Variants in SGCZ observed in about 807,000 individuals in gnomAD.
SGCZ encodes the protein sarcoglycan zeta, also known as zeta-sarcoglycan.
In SGCZ, 40 loss-of-function variants were observed where a neutral mutation model predicts 41.3. The ratio of observed to expected loss-of-function variants is 0.97; its 90% CI spans 0.75 to 1.26. SGCZ has a LOEUF of 1.26. SGCZ is among the 50% of genes most tolerant of loss of function. The pLI is 0.00. For missense variants in SGCZ, 552 were observed against 369.8 expected, an observed-to-expected ratio of 1.49 and a Z score of -4.04; for synonymous variants, 206 against 137.5, an observed-to-expected ratio of 1.50 and a Z score of -3.49.
chr8:14,832,456 G>T (rs1802564705), intron 1 of SGCZ, among the ~76,000 whole-genome samples: 1 of 152,072 alleles, frequency 6.6e-6, no homozygotes, highest in African/African-American at 2.4e-5. Flanking sequence ...ATGAGGGCAT[G>T]GAAAACTGTT....
At chr8:14,446,081 T>C (rs950720489) in intron 2 of SGCZ, among the ~76,000 whole-genome samples, 24 of 152,188 alleles carry the variant, frequency 1.6e-4, no homozygotes, top group Non-Finnish European at 8.8e-5. Context: ...CCTGAATCAG[T>C]TGTGCCATTT....
At chr8:15,175,906 C>G (rs1160053926) in intron 1 of SGCZ, among the ~76,000 whole-genome samples, 1 of 152,032 alleles carries the variant, frequency 6.6e-6, no homozygotes, top group East Asian at 1.9e-4. Context: ...AGAAAGCAGT[C>G]AAGATTGCTA....
At chr8:14,723,670 C>CTATATA (rs376981857) in intron 1 of SGCZ, among the ~76,000 whole-genome samples, 24 of 150,784 alleles carry the variant, frequency 1.6e-4, no homozygotes, top group African/African-American at 5.1e-4. Flanking sequence ...ATATATTTAT[C>CTATATA]TATATATATA....
At chr8:14,131,209 G>A (rs1202103386) in intron 5 of SGCZ, among the ~76,000 whole-genome samples, 1 of 152,116 alleles carries the variant, frequency 6.6e-6, no homozygotes, top group African/African-American at 2.4e-5. Context: ...CCGCTTCAGA[G>A]GTATCTTGAT....
intron 5 of SGCZ, among the ~76,000 whole-genome samples, chr8:14,146,658 G>A (rs574028697): frequency 4.7e-4 from 71 of 152,010 alleles, no homozygotes; most frequent in African/African-American, 1.7e-3. Context: ...GGATCACGAG[G>A]TCAGGAGATC....
intron 1 of SGCZ, among the ~76,000 whole-genome samples, chr8:14,824,263 A>T (rs902729857): frequency 1.3e-5 from 2 of 152,112 alleles, no homozygotes; most frequent in African/African-American, 4.8e-5. Flanking sequence ...TCTCACCACA[A>T]ATAAATGATA....
chr8:15,144,524 G>A (rs1350069016), intron 1 of SGCZ, among the ~76,000 whole-genome samples: 7 of 151,922 alleles, frequency 4.6e-5, no homozygotes, highest in Admixed American at 2.0e-4. Context: ...CAGTGCAGTG[G>A]AGCCACCTTG....
At chr8:15,039,004 A>C (rs1032115176) in intron 1 of SGCZ, among the ~76,000 whole-genome samples, 1 of 152,124 alleles carries the variant, frequency 6.6e-6, no homozygotes, top group Non-Finnish European at 1.5e-5. Context: ...ATGTGGAGAA[A>C]AAGAAATATT....
At chr8:14,681,294 G>A (rs1808438527) in intron 1 of SGCZ, among the ~76,000 whole-genome samples, 1 of 152,048 alleles carries the variant, frequency 6.6e-6, no homozygotes, top group Non-Finnish European at 1.5e-5. Flanking sequence ...GTATAATCAG[G>A]AACAATGCAA....
At chr8:15,097,962 A>C (rs1806450420) in intron 1 of SGCZ, among the ~76,000 whole-genome samples, 1 of 149,706 alleles carries the variant, frequency 6.7e-6, no homozygotes, top group Non-Finnish European at 1.5e-5. Flanking sequence ...GAAAAACAGG[A>C]ACTGGGTATT....
chr8:14,231,051 C>A (rs942522583), intron 4 of SGCZ, among the ~76,000 whole-genome samples: 1 of 151,754 alleles, frequency 6.6e-6, no homozygotes, highest in African/African-American at 2.4e-5. Flanking sequence ...AATTAAAATG[C>A]TGAGGTTTTA....
At chr8:14,526,949 G>T (rs1293225244) in intron 2 of SGCZ, among the ~76,000 whole-genome samples, 1 of 152,082 alleles carries the variant, frequency 6.6e-6, no homozygotes, top group African/African-American at 2.4e-5. Context: ...TACTGGGCAC[G>T]ACAACAGACA....
intron 5 of SGCZ, among the ~76,000 whole-genome samples, chr8:14,121,410 A>C (rs1425149165): frequency 6.6e-6 from 1 of 152,150 alleles, no homozygotes; most frequent in Non-Finnish European, 1.5e-5. Flanking sequence ...AACTTATAAA[A>C]ACAATATTTG....
At chr8:14,615,541 T>C (rs1013365142) in intron 1 of SGCZ, among the ~76,000 whole-genome samples, 3 of 152,326 alleles carry the variant, frequency 2.0e-5, no homozygotes, top group Non-Finnish European at 2.9e-5. Flanking sequence ...ATCAAGAATA[T>C]AGTAAGAAAA....
At chr8:14,804,105 T>C (rs1801441981) in intron 1 of SGCZ, among the ~76,000 whole-genome samples, 1 of 87,352 alleles carries the variant, frequency 1.1e-5, no homozygotes, top group Non-Finnish European at 2.0e-5. Context: ...AGACCAAAAG[T>C]AGATAAAACC....
At chr8:14,920,653 A>C (rs1336369742) in intron 1 of SGCZ, among the ~76,000 whole-genome samples, 1 of 152,174 alleles carries the variant, frequency 6.6e-6, no homozygotes, top group Non-Finnish European at 1.5e-5. Flanking sequence ...ATATAAACTA[A>C]ATAAGGAAGA....
intron 1 of SGCZ, among the ~76,000 whole-genome samples, chr8:15,102,242 C>A (rs1806642861): frequency 6.6e-6 from 1 of 152,082 alleles, no homozygotes; most frequent in Admixed American, 6.5e-5. Flanking sequence ...AGCTTCCAAG[C>A]CATGGAAGGT....
chr8:14,937,505 C>T (rs147901868), intron 1 of SGCZ, among the ~76,000 whole-genome samples: 2,101 of 152,128 alleles, frequency 0.014, 22 homozygotes, highest in Middle Eastern at 0.024. Context: ...AAAAACCCTA[C>T]AACTCATTTT....
intron 3 of SGCZ, among the ~76,000 whole-genome samples, chr8:14,271,209 AG>A (rs1220068965): frequency 6.6e-6 from 1 of 152,130 alleles, no homozygotes. Context: ...AAAAAAAAAA[AG>A]GAAATGATGT....
Sources: allele counts gnomAD v4.1 joint callset (sites outside exome capture counted in the v4.1 genomes callset), GRCh38; gene constraint gnomAD v4.1.1; transcripts MANE v1.5; gene names NCBI Gene and HGNC (gene_info 2026-07-23, HGNC 2026-07-21).